The following MIS18BP1 variants were observed in gnomAD, a reference collection of about 807,000 sequenced individuals.
MIS18BP1 encodes MIS18 binding protein 1.
MIS18BP1 carries 72 observed loss-of-function variants against 116.1 expected under a neutral mutation model. The ratio of observed to expected loss-of-function variants is 0.62; its 90% CI spans 0.51 to 0.75. MIS18BP1 has a LOEUF of 0.75. Ranked by LOEUF, MIS18BP1 falls within the 30% of genes least tolerant of loss-of-function variation. The pLI, the probability that MIS18BP1 is intolerant of heterozygous loss-of-function variation, is 0.00. For missense variants in MIS18BP1, 1,363 were observed against 1,303.2 expected, an observed-to-expected ratio of 1.05 and a Z score of -0.71; for synonymous variants, 386 against 427.0, an observed-to-expected ratio of 0.90 and a Z score of 1.18.
At chr14:45,226,310 G>A (rs1278745209) in intron 10 of MIS18BP1, among the ~76,000 whole-genome samples, 1 of 152,132 alleles carries the variant, frequency 6.6e-6, no homozygotes, top group Non-Finnish European at 1.5e-5. Context: ...AAAGCTAATG[G>A]ATTTAGCTCA....
intron 1 of MIS18BP1, among the ~76,000 whole-genome samples, chr14:45,252,634 T>C (rs964256794): frequency 1.3e-5 from 2 of 152,128 alleles, no homozygotes; most frequent in African/African-American, 2.4e-5. Flanking sequence ...CTAAAGATGT[T>C]TGCAACAAGC....
At chr14:45,241,073 T>G (rs371370194) in intron 4 of MIS18BP1, among the ~76,000 whole-genome samples, 1 of 152,222 alleles carries the variant, frequency 6.6e-6, no homozygotes, top group Non-Finnish European at 1.5e-5. Context: ...CCCAAAAGGC[T>G]GGCCTGGGCA....
rs1382783882 is a variant in MIS18BP1 at position 45,203,219 on chromosome 14, A to ATAATC, written c.*885_*889dup. ...ATAAAAGCAAACTAACTTTATTTGA[A>ATAATC]TAATCTAAATAGAGAACAAGGGTAG... On this transcript the variant is annotated 3_prime_UTR_variant, in exon 17 of 17. Coordinates refer to ENST00000310806, the MANE Select transcript of MIS18BP1 (RefSeq NM_018353.5). 1 of 152,222 alleles carries ATAATC rather than the reference A, an allele frequency of 6.6e-6. No homozygotes were observed. The highest frequency in any genetic ancestry group is 2.4e-5 in the African/African-American group (1 of 41,454). 9.4% of individuals were successfully genotyped at this position (152,222 alleles called of 1,614,324 possible).
At chr14:45,219,198 A>G (rs1890905966) in intron 11 of MIS18BP1, among the ~76,000 whole-genome samples, 1 of 152,166 alleles carries the variant, frequency 6.6e-6, no homozygotes, top group Non-Finnish European at 1.5e-5. Context: ...TTTCAACTAC[A>G]CCAAGTCTTT....
intron 4 of MIS18BP1, 44 bp downstream of exon 4, chr14:45,241,990 G>A (rs751626436): frequency 3.9e-5 from 59 of 1,529,828 alleles, no homozygotes; most frequent in African/African-American, 1.8e-4. Flanking sequence ...CTTGAAGAAC[G>A]GGGTAAAAAT....
chr14:45,244,312 C>A (rs1339428951), intron 2 of MIS18BP1, among the ~76,000 whole-genome samples: 1 of 152,172 alleles, frequency 6.6e-6, no homozygotes. Flanking sequence ...TGTAAAATAT[C>A]TTTCATTATC....
Position 45,235,794 on chromosome 14 carries a change from C to T in MIS18BP1, c.1348+20G>A. The T allele has an allele frequency of 6.4e-7, 1 of 1,571,532 alleles. No homozygotes were observed. Among genetic ancestry groups the T allele is most frequent in the African/African-American group, 1.4e-5 (1 of 72,742 alleles). On this transcript the variant is annotated intron_variant, in intron 6 of 16. Transcript: ENST00000310806. ...TGCTTTACTTCTTAAAATAACTTAT[C>T]AATAATGACAGTCATTTACCTGCTT...
At position 45,232,415 on chromosome 14, in the gene MIS18BP1, T is replaced by TAAAAA. The variant is rs1291844122; in HGVS notation, c.1436+317_1436+318insTTTTT. On this transcript the variant is annotated intron_variant, in intron 7 of 16. Coordinates refer to ENST00000310806, the MANE Select transcript of MIS18BP1 (RefSeq NM_018353.5). ...CTGGGCGACAGAGCCAGATTCCATC[T>TAAAAA]CAAAAAAAAAAAAAAAAAAAAAACA... 192 of 163,498 alleles carry TAAAAA rather than the reference T, an allele frequency of 1.2e-3. 1 individual carries two copies. The Admixed American group carries it at 0.017, about 14-fold the overall frequency. The allele number at this position is 163,498 out of a possible 1,614,324, so 10.1% of individuals were successfully genotyped here.
In MIS18BP1 at chr14:45,203,933, T is replaced by TA; in HGVS notation, c.*175dup. On this transcript the variant is annotated 3_prime_UTR_variant, in exon 17 of 17. Coordinates refer to ENST00000310806, the MANE Select transcript of MIS18BP1 (RefSeq NM_018353.5). The stretch of plus-strand genomic sequence containing the variant: ...GCAAAAACAATTTTCTTTACATTTT[T>TA]AGTAAGCTGCAGCAATGAGGATATT... 5 of 826,792 alleles carry TA rather than the reference T, an allele frequency of 6.0e-6. No homozygotes were observed. Among genetic ancestry groups the TA allele is most frequent in the Non-Finnish European group, 8.4e-6 (5 of 597,780 alleles). 51.2% of individuals were successfully genotyped at this position (826,792 alleles called of 1,614,324 possible).
chr14:45,251,031 T>C (rs1891858547), intron 1 of MIS18BP1, among the ~76,000 whole-genome samples: 1 of 126,294 alleles, frequency 7.9e-6, no homozygotes, highest in Non-Finnish European at 1.6e-5. Flanking sequence ...ATCAAGACTC[T>C]GCCTCAAAAA....
intron 14 of MIS18BP1, chr14:45,210,097 C>T: frequency 4.2e-6 from 1 of 236,682 alleles, no homozygotes. Flanking sequence ...AATAATTCTC[C>T]AAGGTTTCTT....
chr14:45,241,873 G>A (rs922020622), intron 4 of MIS18BP1, 161 bp downstream of exon 4: 34 of 747,452 alleles, frequency 4.5e-5, no homozygotes, highest in Non-Finnish European at 6.3e-5. Flanking sequence ...CACTGTCACT[G>A]CAGTAAATAA....
At chr14:45,205,371 CATA>C (rs772052837) in intron 15 of MIS18BP1, among the ~76,000 whole-genome samples, 6 of 152,030 alleles carry the variant, frequency 3.9e-5, no homozygotes, top group Non-Finnish European at 8.8e-5. Flanking sequence ...AGGGGGTTCC[CATA>C]AGTTACCATT....
chr14:45,235,609 A>C (rs1287137772), intron 6 of MIS18BP1, among the ~76,000 whole-genome samples: 1 of 150,912 alleles, frequency 6.6e-6, no homozygotes, highest in Non-Finnish European at 1.5e-5. Flanking sequence ...AAAAAAAAAC[A>C]AAAACACATA....
chr14:45,210,985 C>T (rs914794529), intron 13 of MIS18BP1, among the ~76,000 whole-genome samples: 2 of 152,168 alleles, frequency 1.3e-5, no homozygotes, highest in Non-Finnish European at 2.9e-5. Context: ...GGATTTGTCA[C>T]CCTCTTTATT....
rs1476719765 is a variant in MIS18BP1, at chr14:45,205,959, A to G, written c.3240+124T>C. 39 of 597,414 alleles carry G rather than the reference A, an allele frequency of 6.5e-5. No individual in the cohort carries two copies. The South Asian group carries it at 9.2e-4, about 14-fold the overall frequency. The allele number at this position is 597,414 out of a possible 1,614,324, so 37.0% of individuals were successfully genotyped here. On this transcript the variant is annotated intron_variant, in intron 15 of 16. Coordinates refer to ENST00000310806, the MANE Select transcript of MIS18BP1 (RefSeq NM_018353.5). ...TGCTTACCTCATTCATGGCTTCATT[A>G]TTGTAACTTGTTACATTATAATCAC... is the stretch of plus-strand genomic sequence containing the variant.
intron 14 of MIS18BP1, chr14:45,210,131 T>A (rs994545271): frequency 3.3e-6 from 1 of 304,152 alleles, no homozygotes; most frequent in African/African-American, 2.2e-5. Context: ...TTAAAGTTTT[T>A]TACAAGTAAA....
chr14:45,229,543 C>A (rs1301838146), intron 8 of MIS18BP1, among the ~76,000 whole-genome samples: 2 of 151,808 alleles, frequency 1.3e-5, no homozygotes, highest in African/African-American at 4.8e-5. Flanking sequence ...TTCCTATGGA[C>A]ACAGCTGGTA....
At position 45,246,154 on chromosome 14, in the gene MIS18BP1, A is replaced by C. The variant is rs1033420572; in HGVS notation, c.544+589T>G. Reference sequence around the variant, plus strand: ...AACAACAAAAAAACCCTCATAAGTCAGATCTTGTCATTCACATGCTCAAAA... The same window carrying C: ...AACAACAAAAAAACCCTCATAAGTCCGATCTTGTCATTCACATGCTCAAAA... On this transcript the variant is annotated intron_variant, in intron 2 of 16. Coordinates refer to ENST00000310806, the MANE Select transcript of MIS18BP1 (RefSeq NM_018353.5). Among the ~76,000 whole-genome samples, 3 of 152,332 alleles carry C rather than the reference A, an allele frequency of 2.0e-5. No homozygotes were observed. The South Asian group carries it at 6.2e-4, about 32-fold the overall frequency.
Sources: gnomAD v4.1 joint callset for allele counts (sites outside exome capture counted in the v4.1 genomes callset) on GRCh38, gnomAD v4.1.1 for gene constraint, MANE v1.5 for transcripts, NCBI Gene and HGNC (gene_info 2026-07-23, HGNC 2026-07-21) for gene names.